Variants in DEPTOR observed in about 807,000 individuals in gnomAD.
DEPTOR encodes DEP domain-containing mTOR-interacting protein.
DEPTOR carries 41 observed loss-of-function variants against 41.6 expected under a neutral mutation model. The ratio of observed to expected loss-of-function variants is 0.98; its 90% CI spans 0.77 to 1.28. The LOEUF is 1.28. DEPTOR is among the 50% of genes most tolerant of loss of function. DEPTOR has a pLI of 0.00. For synonymous variants in DEPTOR, 195 were observed against 192.3 expected, an observed-to-expected ratio of 1.01 and a Z score of -0.12; for missense variants, 514 against 527.9, an observed-to-expected ratio of 0.97 and a Z score of 0.26.
chr8:119,962,749 A>G (rs933400819), intron 3 of DEPTOR, among the ~76,000 whole-genome samples: 1 of 152,204 alleles, frequency 6.6e-6, no homozygotes, highest in Non-Finnish European at 1.5e-5. Flanking sequence ...AGTATAGTCA[A>G]TTAAGAAAAC....
intron 4 of DEPTOR, among the ~76,000 whole-genome samples, chr8:119,970,700 G>A (rs887260751): frequency 1.3e-5 from 2 of 152,188 alleles, no homozygotes; most frequent in Admixed American, 6.6e-5. Context: ...AGGGTTCAAC[G>A]TGTAGTTGTG....
intron 4 of DEPTOR, among the ~76,000 whole-genome samples, chr8:119,991,921 T>C (rs1302112708): frequency 6.6e-6 from 1 of 152,222 alleles, no homozygotes; most frequent in Non-Finnish European, 1.5e-5. Context: ...GACTGTGATC[T>C]AGCAGGACCC....
chr8:120,016,943 G>A (rs1388368552), intron 8 of DEPTOR, among the ~76,000 whole-genome samples: 1 of 152,026 alleles, frequency 6.6e-6, no homozygotes, highest in Non-Finnish European at 1.5e-5. Flanking sequence ...ATACTCAAAC[G>A]TTCAGTCTGT....
intron 1 of DEPTOR, among the ~76,000 whole-genome samples, chr8:119,909,696 G>A (rs6469869): frequency 0.22 from 33,445 of 152,176 alleles, 4,255 homozygotes; most frequent in African/African-American, 0.34. Context: ...TAGATTCTGT[G>A]TGTGGCCTTG....
intron 3 of DEPTOR, among the ~76,000 whole-genome samples, chr8:119,953,607 A>G (rs562917117): frequency 1.0e-3 from 155 of 149,712 alleles, no homozygotes; most frequent in Middle Eastern, 3.4e-3. Context: ...AAAAAAAAAG[A>G]AAGAAAGAAA....
intron 4 of DEPTOR, among the ~76,000 whole-genome samples, chr8:119,990,927 C>T (rs966963363): frequency 5.3e-5 from 8 of 152,256 alleles, no homozygotes; most frequent in Middle Eastern, 3.4e-3. Context: ...AAAGTCGATT[C>T]AAGGACTTTT....
intron 8 of DEPTOR, among the ~76,000 whole-genome samples, chr8:120,024,949 TGACC>T (rs1812776838): frequency 6.6e-6 from 1 of 152,112 alleles, no homozygotes; most frequent in Non-Finnish European, 1.5e-5. Context: ...TTTCTGTCAT[TGACC>T]GGAAAAAAAT....
At chr8:120,011,747 CATTA>C (rs1812533733) in intron 8 of DEPTOR, among the ~76,000 whole-genome samples, 2 of 152,192 alleles carry the variant, frequency 1.3e-5, no homozygotes, top group Non-Finnish European at 2.9e-5. Context: ...ATTGTCAACT[CATTA>C]ACTAACTCTT....
Position 120,045,617 on chromosome 8 carries a change from C to T in DEPTOR, c.1102-3959C>T, listed in dbSNP as rs149822988. 1.4e-3 allele frequency among the ~76,000 whole-genome samples: 207 copies of T among 152,264 alleles called. 2 individuals are homozygous for T. Among genetic ancestry groups the T allele is most frequent in the African/African-American group, 4.8e-3 (198 of 41,546 alleles). On this transcript the variant is annotated intron_variant, in intron 8 of 8. Transcript: ENST00000286234. ...CTTGAACTCCTGAGCTCGAGTGATCCGCCTGCCTTGGCCTCCCAAAGTGCT... is the reference window on the plus strand; with the variant it reads ...CTTGAACTCCTGAGCTCGAGTGATCTGCCTGCCTTGGCCTCCCAAAGTGCT...
chr8:119,923,212 C>T (rs2037346), intron 1 of DEPTOR, among the ~76,000 whole-genome samples: 75,925 of 151,782 alleles, frequency 0.5, 20,658 homozygotes, highest in African/African-American at 0.7. Flanking sequence ...ATCTATTAAC[C>T]TCTATCTGCT....
intron 1 of DEPTOR, 127 bp downstream of exon 1, chr8:119,874,095 G>T (rs1308675874): frequency 2.7e-6 from 4 of 1,504,150 alleles, no homozygotes; most frequent in Non-Finnish European, 3.6e-6. Flanking sequence ...ACGGCTGCGG[G>T]CGCGTGGATG....
intron 3 of DEPTOR, among the ~76,000 whole-genome samples, chr8:119,931,602 G>T (rs75255697): frequency 2.6e-5 from 4 of 152,036 alleles, no homozygotes; most frequent in Non-Finnish European, 4.4e-5. Context: ...TCTTGTCTCC[G>T]TTTCTTGAGG....
At chr8:119,946,244 T>C (rs768839446) in intron 3 of DEPTOR, among the ~76,000 whole-genome samples, 4 of 152,014 alleles carry the variant, frequency 2.6e-5, no homozygotes, top group Non-Finnish European at 5.9e-5. Flanking sequence ...AGTGTTTCAG[T>C]CCAGAAAGAA....
At chr8:119,965,719 C>T (rs1342121677) in intron 4 of DEPTOR, among the ~76,000 whole-genome samples, 2 of 152,172 alleles carry the variant, frequency 1.3e-5, no homozygotes, top group African/African-American at 4.8e-5. Context: ...TGTGATGTAA[C>T]ATCACAACTT....
chr8:120,001,849 A>G (rs1812356237), intron 5 of DEPTOR, 139 bp downstream of exon 5: 4 of 1,085,470 alleles, frequency 3.7e-6, no homozygotes, highest in Admixed American at 3.3e-5. Flanking sequence ...GCATGAAAAA[A>G]ATTCTGAAAC....
chr8:120,031,632 T>C (rs1218023847), intron 8 of DEPTOR, among the ~76,000 whole-genome samples: 2 of 152,024 alleles, frequency 1.3e-5, no homozygotes, highest in Non-Finnish European at 2.9e-5. Flanking sequence ...ATCCCAGACA[T>C]CAGTGCCAGC....
intron 4 of DEPTOR, among the ~76,000 whole-genome samples, chr8:119,984,554 T>C (rs1828806137): frequency 6.6e-6 from 1 of 152,182 alleles, no homozygotes; most frequent in South Asian, 2.1e-4. Context: ...TTGCTGAGAA[T>C]GATGGTTTCC....
intron 8 of DEPTOR, among the ~76,000 whole-genome samples, chr8:120,013,553 G>A (rs1163985830): frequency 6.6e-6 from 1 of 152,204 alleles, no homozygotes; most frequent in East Asian, 1.9e-4. Context: ...GTCCTGGGGT[G>A]CCCTGTGGGA....
chr8:119,882,646 C>T (rs1036464142), intron 1 of DEPTOR, among the ~76,000 whole-genome samples: 1 of 152,000 alleles, frequency 6.6e-6, no homozygotes, highest in African/African-American at 2.4e-5. Flanking sequence ...TGGACTCCAG[C>T]AATCCTCCCA....
Sources: allele counts gnomAD v4.1 joint callset (sites outside exome capture counted in the v4.1 genomes callset), GRCh38; gene constraint gnomAD v4.1.1; transcripts MANE v1.5; gene names NCBI Gene and HGNC (gene_info 2026-07-23, HGNC 2026-07-21).